Variants in MRPL1 observed in about 807,000 individuals in gnomAD.
MRPL1 encodes mitochondrial ribosomal protein L1.
Under a neutral mutation model 38.0 loss-of-function variants are expected in MRPL1, and 28 were observed. The ratio of observed to expected loss-of-function variants is 0.74; its 90% CI spans 0.55 to 1.01. MRPL1 has a LOEUF of 1.01. Among genes scored for constraint, MRPL1 ranks in the 50% least tolerant of loss-of-function variants. MRPL1 has a pLI of 0.00. For synonymous variants in MRPL1, 123 were observed against 126.7 expected, an observed-to-expected ratio of 0.97 and a Z score of 0.20; for missense variants, 358 against 389.8, an observed-to-expected ratio of 0.92 and a Z score of 0.69.
chr4:77,897,525 CTAATGT>C (rs1423488278), intron 6 of MRPL1, among the ~76,000 whole-genome samples: 3 of 152,330 alleles, frequency 2.0e-5, no homozygotes, highest in Admixed American at 2.0e-4. Context: ...TAGAATTACA[CTAATGT>C]GTATTCCTCT....
rs1386554522 is a variant in MRPL1, at chr4:77,941,346, T to C, written c.778-8451T>C. ...GTAGTTTTCTTTTTTTGTTATGTTC[T>C]TTCCTGGTTTTGGTATTAGGGTGAT... On this transcript the variant is annotated intron_variant, in intron 7 of 8. Coordinates refer to ENST00000315567, the MANE Select transcript of MRPL1 (RefSeq NM_020236.4). 2.6e-5 allele frequency among the ~76,000 whole-genome samples: 4 copies of C among 152,170 alleles called. No homozygotes were observed. In the East Asian group the frequency reaches 7.7e-4, roughly 29 times the overall value.
At chr4:77,939,160 T>A (rs1051389937) in intron 7 of MRPL1, among the ~76,000 whole-genome samples, 1 of 152,142 alleles carries the variant, frequency 6.6e-6, no homozygotes, top group African/African-American at 2.4e-5. Context: ...AGTGAGAACA[T>A]ACGATGTTTG....
intron 6 of MRPL1, among the ~76,000 whole-genome samples, chr4:77,896,369 C>T (rs1045743996): frequency 5.9e-5 from 9 of 152,112 alleles, no homozygotes; most frequent in African/African-American, 2.2e-4. Context: ...CCCCTATTTG[C>T]GTAGGCACCT....
chr4:77,891,745 A>AATAG (rs1266064403), intron 5 of MRPL1, among the ~76,000 whole-genome samples: 1 of 152,048 alleles, frequency 6.6e-6, no homozygotes, highest in Non-Finnish European at 1.5e-5. Flanking sequence ...AAGTGTTATG[A>AATAG]AGCTGTAAGT....
chr4:77,928,316 T>C (rs147806965), intron 7 of MRPL1, among the ~76,000 whole-genome samples: 1 of 152,290 alleles, frequency 6.6e-6, no homozygotes, highest in East Asian at 1.9e-4. Context: ...GTATAAGACA[T>C]GGAAATTAAA....
intron 7 of MRPL1, among the ~76,000 whole-genome samples, chr4:77,943,831 C>G (rs1000491044): frequency 1.3e-5 from 2 of 152,108 alleles, no homozygotes; most frequent in Non-Finnish European, 2.9e-5. Context: ...TCTGGTGCCT[C>G]CTTGATTAGC....
chr4:77,914,702 G>A (rs916807959), intron 7 of MRPL1, among the ~76,000 whole-genome samples: 2 of 142,124 alleles, frequency 1.4e-5, no homozygotes, highest in African/African-American at 5.5e-5. Flanking sequence ...TATTGAAGAT[G>A]TGGTATTTGT....
chr4:77,922,269 C>T (rs1736598264), intron 7 of MRPL1, among the ~76,000 whole-genome samples: 1 of 152,094 alleles, frequency 6.6e-6, no homozygotes, highest in Non-Finnish European at 1.5e-5. Context: ...AAGAAAGTGA[C>T]CGAAGGAAGG....
intron 2 of MRPL1, among the ~76,000 whole-genome samples, chr4:77,874,662 A>T (rs1174414716): frequency 1.3e-5 from 2 of 151,852 alleles, no homozygotes; most frequent in Non-Finnish European, 2.9e-5. Flanking sequence ...GTATAGTCAA[A>T]TTTTTTCATC....
intron 6 of MRPL1, among the ~76,000 whole-genome samples, chr4:77,897,744 T>G (rs1735949673): frequency 6.6e-6 from 1 of 152,234 alleles, no homozygotes; most frequent in African/African-American, 2.4e-5. Context: ...GAATAGTACC[T>G]TGTACTTCAG....
intron 3 of MRPL1, among the ~76,000 whole-genome samples, chr4:77,884,028 A>G (rs9994366): frequency 0.52 from 78,813 of 151,996 alleles, 20,898 homozygotes; most frequent in Admixed American, 0.57. Context: ...TAGATTTCCT[A>G]TTTCCTCTAA....
intron 6 of MRPL1, among the ~76,000 whole-genome samples, chr4:77,895,011 C>T (rs1326577837): frequency 1.3e-5 from 2 of 151,796 alleles, no homozygotes; most frequent in African/African-American, 4.8e-5. Flanking sequence ...GGAGTGGTAC[C>T]CCTACATTGA....
intron 4 of MRPL1, among the ~76,000 whole-genome samples, chr4:77,885,886 T>G (rs1735666180): frequency 6.6e-6 from 1 of 152,228 alleles, no homozygotes; most frequent in Admixed American, 6.5e-5. Flanking sequence ...AATGCTACAT[T>G]GTGTTTCTCA....
intron 7 of MRPL1, among the ~76,000 whole-genome samples, chr4:77,932,047 A>G (rs1230716918): frequency 1.3e-5 from 2 of 152,208 alleles, no homozygotes; most frequent in Admixed American, 6.5e-5. Context: ...TTAGAAAAAC[A>G]GTTACCATTG....
Position 77,952,623 on chromosome 4 carries a change from A to G in MRPL1, c.*16A>G. On this transcript the variant is annotated 3_prime_UTR_variant, in exon 9 of 9. Transcript: ENST00000315567. ...AGATGCCTAAATGTGGTGAATTGTGAAATTACTTTCAGTGGTTTAAGAAGC... is the reference window on the plus strand; with the variant it reads ...AGATGCCTAAATGTGGTGAATTGTGGAATTACTTTCAGTGGTTTAAGAAGC... 6.6e-7 allele frequency: 1 copy of G among 1,505,332 alleles called. No individual in the cohort carries two copies. Among genetic ancestry groups the G allele is most frequent in the Non-Finnish European group, 9.2e-7 (1 of 1,085,496 alleles). 93.2% of individuals were successfully genotyped at this position (1,505,332 alleles called of 1,614,324 possible). A position where few individuals can be genotyped will look rare whatever the true frequency, so the allele number is the denominator to read the frequency against.
rs1378951325 is a variant in MRPL1, at chr4:77,952,549, T to C, written c.920T>C (p.Ile307Thr). The change falls in exon 9 of 9, where the codon ATT becomes ACT. Residue 307 changes from isoleucine to threonine, a missense_variant. Physicochemically the swap from Ile to Thr is moderately conservative, Grantham distance 89 (BLOSUM62 -1). Transcript: ENST00000315567. ...SSTSEGLLLK[I>T]DPLLPKEVKN... Reference sequence around the variant, plus strand: ...ACAAGTGAAGGTTTATTACTGAAGATTGATCCATTGTTGCCTAAAGAAGTA... The same window carrying C: ...ACAAGTGAAGGTTTATTACTGAAGACTGATCCATTGTTGCCTAAAGAAGTA... 6.2e-7 allele frequency: 1 copy of C among 1,613,600 alleles called. No homozygotes were observed. Among genetic ancestry groups the C allele is most frequent in the Non-Finnish European group, 8.5e-7 (1 of 1,179,794 alleles).
intron 5 of MRPL1, among the ~76,000 whole-genome samples, chr4:77,888,804 C>T (rs1735742483): frequency 6.6e-6 from 1 of 152,018 alleles, no homozygotes; most frequent in Non-Finnish European, 1.5e-5. Context: ...TGTTGGTGTG[C>T]TGCACCCATT....
chr4:77,881,867 A>G (rs1735549956), intron 2 of MRPL1, among the ~76,000 whole-genome samples: 1 of 151,978 alleles, frequency 6.6e-6, no homozygotes, highest in Non-Finnish European at 1.5e-5. Flanking sequence ...ATTGTTTTCA[A>G]TCCTACTTCC....
intron 5 of MRPL1, among the ~76,000 whole-genome samples, chr4:77,890,445 G>T (rs1735780735): frequency 6.6e-6 from 1 of 152,128 alleles, no homozygotes; most frequent in African/African-American, 2.4e-5. Context: ...AGCCCTTCAT[G>T]CTAAAAACTC....
Sources: allele counts gnomAD v4.1 joint callset (sites outside exome capture counted in the v4.1 genomes callset), GRCh38; gene constraint gnomAD v4.1.1; transcripts MANE v1.5; gene names NCBI Gene and HGNC (gene_info 2026-07-23, HGNC 2026-07-21).